ROBO1: variants seen among roughly 807,000 people sequenced by gnomAD.
ROBO1 encodes roundabout guidance receptor 1, also known as roundabout homolog 1.
ROBO1 carries 149 observed loss-of-function variants against 195.9 expected under a neutral mutation model. That is an observed-to-expected ratio of 0.76 (90% CI 0.67 to 0.87). ROBO1 has a LOEUF of 0.87. Ranked by LOEUF, ROBO1 falls within the 40% of genes least tolerant of loss-of-function variation. The pLI is 0.00. For missense variants in ROBO1, 1,933 were observed against 2,068.3 expected, an observed-to-expected ratio of 0.93 and a Z score of 1.27; for synonymous variants, 816 against 733.2, an observed-to-expected ratio of 1.11 and a Z score of -1.82.
At chr3:79,398,883 T>G (rs1193187331) in intron 2 of ROBO1, among the ~76,000 whole-genome samples, 3 of 152,146 alleles carry the variant, frequency 2.0e-5, no homozygotes, top group Non-Finnish European at 2.9e-5. Flanking sequence ...GATGTTATGT[T>G]AATGGCACAG....
intron 10 of ROBO1, among the ~76,000 whole-genome samples, chr3:78,670,717 C>T (rs1708019386): frequency 6.6e-6 from 1 of 152,056 alleles, no homozygotes; most frequent in Non-Finnish European, 1.5e-5. Context: ...TGAAGCAAAG[C>T]CAAATTGACA....
At chr3:79,075,836 G>A (rs144081705) in intron 3 of ROBO1, among the ~76,000 whole-genome samples, 4 of 151,722 alleles carry the variant, frequency 2.6e-5, no homozygotes, top group East Asian at 2.0e-4. Context: ...TATAATTATA[G>A]TATAATTTAT....
At chr3:79,730,768 C>CTTTTT (rs66527491) in intron 1 of ROBO1, among the ~76,000 whole-genome samples, 4 of 95,540 alleles carry the variant, frequency 4.2e-5, no homozygotes, top group African/African-American at 7.7e-5. Flanking sequence ...CCTGTATTTC[C>CTTTTT]TTTTTTTTTT....
chr3:79,666,535 G>C (rs1946480527), intron 1 of ROBO1, among the ~76,000 whole-genome samples: 1 of 151,754 alleles, frequency 6.6e-6, no homozygotes, highest in South Asian at 2.1e-4. Flanking sequence ...TGAATCGTGG[G>C]GGCAGTTCCC....
chr3:78,731,560 A>G (rs2082286869), intron 5 of ROBO1, among the ~76,000 whole-genome samples: 1 of 152,158 alleles, frequency 6.6e-6, no homozygotes, highest in Admixed American at 6.5e-5. Context: ...CATAGAAAGT[A>G]CACTATCAGA....
intron 2 of ROBO1, among the ~76,000 whole-genome samples, chr3:79,485,305 C>T (rs943972618): frequency 6.6e-6 from 1 of 151,726 alleles, no homozygotes; most frequent in Non-Finnish European, 1.5e-5. Context: ...TACTTAAAAT[C>T]ATGTATAATT....
rs1409283431 is a variant in ROBO1 at position 79,529,458 on chromosome 3, CAG to C, written c.88+60364_88+60365del. Among the ~76,000 whole-genome samples the C allele has an allele frequency of 3.3e-5, 5 of 152,270 alleles. No individual in the cohort carries two copies. The East Asian group carries it at 9.6e-4, about 29-fold the overall frequency. On this transcript the variant is annotated intron_variant, in intron 2 of 30. Transcript: ENST00000464233. Reference sequence around the variant, plus strand: ...TGCCACTGCACTCCAGCCTGGGCGACAGAGTGAGACCCTGTCTCAAACAAACA... The same window carrying C: ...TGCCACTGCACTCCAGCCTGGGCGACAGTGAGACCCTGTCTCAAACAAACA...
intron 1 of ROBO1, among the ~76,000 whole-genome samples, chr3:79,718,434 CA>C (rs1448916590): frequency 1.3e-5 from 2 of 151,802 alleles, no homozygotes; most frequent in Non-Finnish European, 2.9e-5. Flanking sequence ...TAAATTGTGC[CA>C]GGGGATAAAT....
chr3:78,696,824 A>T (rs1173813668), intron 8 of ROBO1, among the ~76,000 whole-genome samples: 2 of 151,352 alleles, frequency 1.3e-5, no homozygotes, highest in Non-Finnish European at 2.9e-5. Flanking sequence ...GCTATAGTTT[A>T]AAAAAGACCT....
chr3:79,350,367 G>T (rs1425749887), intron 2 of ROBO1, among the ~76,000 whole-genome samples: 1 of 152,140 alleles, frequency 6.6e-6, no homozygotes, highest in African/African-American at 2.4e-5. Context: ...ATGTTACGGT[G>T]ACTTTGAAAA....
intron 3 of ROBO1, among the ~76,000 whole-genome samples, chr3:79,080,595 T>C (rs1004793328): frequency 6.6e-6 from 1 of 152,080 alleles, no homozygotes; most frequent in East Asian, 1.9e-4. Context: ...ACAAGATATA[T>C]GAAAAACAGT....
At chr3:79,243,638 A>T (rs1329107293) in intron 2 of ROBO1, among the ~76,000 whole-genome samples, 1 of 152,012 alleles carries the variant, frequency 6.6e-6, no homozygotes, top group African/African-American at 2.4e-5. Flanking sequence ...TCTTCTTTTG[A>T]GAAGTGTCTG....
chr3:78,749,615 G>A (rs2108297970), intron 4 of ROBO1, among the ~76,000 whole-genome samples: 1 of 152,000 alleles, frequency 6.6e-6, no homozygotes, highest in African/African-American at 2.4e-5. Context: ...TTCCTTTTGG[G>A]GGAAAATAAT....
At chr3:78,679,525 C>T (rs1453467391) in intron 10 of ROBO1, among the ~76,000 whole-genome samples, 3 of 152,102 alleles carry the variant, frequency 2.0e-5, no homozygotes, top group Non-Finnish European at 4.4e-5. Context: ...CATTCTTATA[C>T]ACCAATAACA....
At chr3:78,973,677 A>G (rs1054901365) in intron 3 of ROBO1, among the ~76,000 whole-genome samples, 17 of 150,526 alleles carry the variant, frequency 1.1e-4, no homozygotes, top group African/African-American at 3.6e-4. Context: ...CAAGCATACA[A>G]GGCAATTAAA....
chr3:78,879,954 C>A (rs1440616462), intron 4 of ROBO1, among the ~76,000 whole-genome samples: 2 of 152,020 alleles, frequency 1.3e-5, no homozygotes, highest in Admixed American at 6.6e-5. Context: ...CTAAATTGGT[C>A]TGAAAGAAAA....
At position 78,602,682 on chromosome 3, in the gene ROBO1, T is replaced by TG. The variant is rs1703246805; in HGVS notation, c.4745-2374_4745-2373insC. Among the ~76,000 whole-genome samples, 5 of 152,296 alleles carry TG rather than the reference T, an allele frequency of 3.3e-5. No homozygotes were observed. In the South Asian group the frequency reaches 1.0e-3, roughly 32 times the overall value. ...GTCATTAATACATTGTTTTACATTA[T>TG]TTTCATCATGCTGAATCATTAATTT... On this transcript the variant is annotated intron_variant, in intron 29 of 30. Transcript: ENST00000464233.
At chr3:79,755,459 C>T (rs972821086) in intron 1 of ROBO1, among the ~76,000 whole-genome samples, 5 of 152,072 alleles carry the variant, frequency 3.3e-5, no homozygotes, top group South Asian at 2.1e-4. Context: ...ATGCCCTCTG[C>T]GTGTTAGATG....
chr3:79,083,387 ATTG>A (rs1342664642), intron 3 of ROBO1, among the ~76,000 whole-genome samples: 3 of 152,220 alleles, frequency 2.0e-5, no homozygotes, highest in African/African-American at 7.2e-5. Context: ...AAAATAATTC[ATTG>A]TTGTGCTATA....
Sources: allele counts gnomAD v4.1 joint callset (sites outside exome capture counted in the v4.1 genomes callset), GRCh38; gene constraint gnomAD v4.1.1; transcripts MANE v1.5; gene names NCBI Gene and HGNC (gene_info 2026-07-23, HGNC 2026-07-21).